DLGAP2: variants seen among roughly 807,000 people sequenced by gnomAD.
The protein encoded by DLGAP2 is DLG associated protein 2.
DLGAP2 carries 26 observed loss-of-function variants against 100.3 expected under a neutral mutation model. The observed-to-expected ratio is 0.26, with a 90% CI of 0.19 to 0.36. The LOEUF is 0.36. DLGAP2 is among the 10% of genes least tolerant of loss of function. The pLI is 1.00. For missense variants in DLGAP2, 1,858 were observed against 1,453.2 expected (o/e 1.28, Z -4.53); for synonymous variants, 886 against 630.1 (o/e 1.41, Z -6.08).
At chr8:1,235,082 C>G (rs1563269909) in intron 2 of DLGAP2, among the ~76,000 whole-genome samples, 1 of 151,064 alleles carries the variant, frequency 6.6e-6, no homozygotes, top group Admixed American at 6.6e-5. Flanking sequence ...GTCTAGTTCC[C>G]TCTCACATGG....
chr8:1,275,166 C>G (rs758259843), intron 3 of DLGAP2, among the ~76,000 whole-genome samples: 4 of 152,140 alleles, frequency 2.6e-5, no homozygotes, highest in African/African-American at 4.8e-5. Context: ...CAGAGCAACT[C>G]TGGAGTTATT....
At chr8:1,555,375 A>G (rs735458) in intron 5 of DLGAP2, among the ~76,000 whole-genome samples, 131,928 of 152,180 alleles carry the variant, frequency 0.87, 57,300 homozygotes, top group East Asian at 0.94. Flanking sequence ...CCCACACTCT[A>G]TGTTCCCTGT....
At chr8:835,101 G>A (rs1336059320) in intron 1 of DLGAP2, among the ~76,000 whole-genome samples, 1 of 152,266 alleles carries the variant, frequency 6.6e-6, no homozygotes, top group African/African-American at 2.4e-5. Context: ...TAATGTGCAT[G>A]GGTGTTTGTG....
chr8:1,627,950 G>A (rs1168428054), intron 7 of DLGAP2, among the ~76,000 whole-genome samples: 2 of 147,988 alleles, frequency 1.4e-5, no homozygotes, highest in East Asian at 4.0e-4. Context: ...TTAAGAGCCT[G>A]AGCTGACCTC....
intron 1 of DLGAP2, among the ~76,000 whole-genome samples, chr8:762,692 G>A (rs1821116341): frequency 6.6e-6 from 1 of 152,026 alleles, no homozygotes; most frequent in South Asian, 2.1e-4. Flanking sequence ...GATTGAAGGA[G>A]ACAGGGTCTC....
At chr8:922,333 C>T (rs191126279) in intron 2 of DLGAP2, among the ~76,000 whole-genome samples, 42 of 152,240 alleles carry the variant, frequency 2.8e-4, no homozygotes, top group Admixed American at 2.0e-3. Flanking sequence ...GCGGACCCCT[C>T]CGGAGGGAAA....
In DLGAP2 at chr8:1,511,485, G is replaced by T. The variant is rs181331809; in HGVS notation, c.172+10054G>T. ...GCTGTCTAGTGTAGGACAATCAATA[G>T]ATGACCATCTTCCATGGGCGTAAGT... On this transcript the variant is annotated intron_variant, in intron 4 of 14. Transcript: ENST00000637795. Among the ~76,000 whole-genome samples, 15 of 151,556 alleles carry T rather than the reference G, an allele frequency of 9.9e-5. 1 individual carries two copies. Among genetic ancestry groups the T allele is most frequent in the African/African-American group, 3.1e-4 (13 of 41,286 alleles).
At chr8:1,164,155 AGCCCCCCAGGGCCC>A in intron 2 of DLGAP2, among the ~76,000 whole-genome samples, 1 of 79,850 alleles carries the variant, frequency 1.3e-5, no homozygotes, top group African/African-American at 5.1e-5. Flanking sequence ...TTTTTCTGTG[AGCCCCCCAGGGCCC>A]GTCATTTTGG....
chr8:1,247,733 G>T (rs138990751), intron 2 of DLGAP2, among the ~76,000 whole-genome samples: 1 of 3,532 alleles, frequency 2.8e-4, no homozygotes, highest in South Asian at 7.2e-3. Flanking sequence ...CATGTTGGTG[G>T]CCGGCAAGAC....
rs1047422629 is a variant in DLGAP2, at chr8:1,678,647, C to G, written c.2704+18C>G. The G allele has an allele frequency of 4.0e-6, 6 of 1,484,088 alleles. No homozygotes were observed. The African/African-American group carries it at 8.5e-5, about 21-fold the overall frequency. The allele number at this position is 1,484,088 out of a possible 1,614,324, so 91.9% of individuals were successfully genotyped here. A position where few individuals can be genotyped will look rare whatever the true frequency, so the allele number is the denominator to read the frequency against. On this transcript the variant is annotated intron_variant, in intron 12 of 14. Transcript: ENST00000637795. ...GGAGGAAAGTAAGAGCTCAGGCTTC[C>G]CTAGGGCCTCTTAAATATCATTTCT... is the stretch of plus-strand genomic sequence containing the variant.
chr8:819,406 G>C (rs1054901628), intron 1 of DLGAP2, among the ~76,000 whole-genome samples: 1 of 152,184 alleles, frequency 6.6e-6, no homozygotes, highest in South Asian at 2.1e-4. Flanking sequence ...AACTCAACAG[G>C]TGCAGGAGTA....
chr8:978,632 C>T (rs1450053913), intron 2 of DLGAP2, among the ~76,000 whole-genome samples: 1 of 145,906 alleles, frequency 6.9e-6, no homozygotes, highest in Non-Finnish European at 1.5e-5. Flanking sequence ...GGGAGGGCGT[C>T]GGGGATGCAG....
chr8:895,725 C>T (rs1012704145), intron 1 of DLGAP2, among the ~76,000 whole-genome samples: 2 of 152,156 alleles, frequency 1.3e-5, no homozygotes. Context: ...CTGAACCAGT[C>T]AGGCTGCGGG....
intron 1 of DLGAP2, among the ~76,000 whole-genome samples, chr8:815,242 T>A (rs1357515403): frequency 6.6e-6 from 1 of 152,200 alleles, no homozygotes; most frequent in Non-Finnish European, 1.5e-5. Context: ...GGCTGCTGTC[T>A]GCTTGCAGGG....
chr8:1,461,079 G>T (rs1266732775), intron 3 of DLGAP2, among the ~76,000 whole-genome samples: 1 of 151,584 alleles, frequency 6.6e-6, no homozygotes, highest in African/African-American at 2.4e-5. Flanking sequence ...CGGCATTTGG[G>T]TTGGGAGAAG....
chr8:1,524,447 A>T (rs1003351264), intron 4 of DLGAP2, among the ~76,000 whole-genome samples: 1 of 152,120 alleles, frequency 6.6e-6, no homozygotes, highest in Non-Finnish European at 1.5e-5. Flanking sequence ...GCCCTAACTA[A>T]GGAGCCCAGA....
intron 1 of DLGAP2, among the ~76,000 whole-genome samples, chr8:770,053 A>G (rs149863550): frequency 6.6e-6 from 1 of 152,202 alleles, no homozygotes; most frequent in African/African-American, 2.4e-5. Flanking sequence ...ACTTACATGC[A>G]TGCATCGTTT....
In DLGAP2 at chr8:881,673, A is replaced by T. The variant is rs560254214; in HGVS notation, c.19-26239A>T. 1.2e-4 allele frequency among the ~76,000 whole-genome samples: 6 copies of T among 48,652 alleles called. 1 individual carries two copies. In the South Asian group the frequency reaches 2.6e-3, roughly 21 times the overall value. 31.9% of individuals were successfully genotyped at this position (48,652 alleles called of 152,430 possible). Reference sequence around the variant, plus strand: ...CGCCACCACTTGTGGCTGAACACACACACACACACTTTTTTTTTTTTTTTT... The same window carrying T: ...CGCCACCACTTGTGGCTGAACACACTCACACACACTTTTTTTTTTTTTTTT... On this transcript the variant is annotated intron_variant, in intron 1 of 14. Transcript: ENST00000637795.
chr8:826,034 G>C (rs1052998724), intron 1 of DLGAP2, among the ~76,000 whole-genome samples: 1 of 152,106 alleles, frequency 6.6e-6, no homozygotes, highest in African/African-American at 2.4e-5. Flanking sequence ...ATGAGTTCAG[G>C]GTTGTAATTT....
Sources: gnomAD v4.1 joint callset for allele counts (sites outside exome capture counted in the v4.1 genomes callset) on GRCh38, gnomAD v4.1.1 for gene constraint, MANE v1.5 for transcripts, NCBI Gene and HGNC (gene_info 2026-07-23, HGNC 2026-07-21) for gene names.